ATP11C: variants seen among roughly 807,000 people sequenced by gnomAD.
ATP11C encodes the protein ATPase phospholipid transporting 11C (ATP11C blood group), also known as phospholipid-transporting ATPase IG.
Under a neutral mutation model 97.4 loss-of-function variants are expected in ATP11C, and 36 were observed. The ratio of observed to expected loss-of-function variants is 0.37; its 90% CI spans 0.28 to 0.49. The LOEUF is 0.49. Among genes scored for constraint, ATP11C ranks in the 20% least tolerant of loss-of-function variants. ATP11C has a pLI of 0.98. For synonymous variants in ATP11C, 275 were observed against 290.9 expected (o/e 0.95, Z 0.56); for missense variants, 730 against 824.6 (o/e 0.89, Z 1.40).
At chrX:139,790,285 G>A (rs2082663248) in intron 12 of ATP11C, among the ~76,000 whole-genome samples, 1 of 111,084 alleles carries the variant, frequency 9.0e-6, no homozygotes, top group African/African-American at 3.3e-5. Flanking sequence ...TCACTATGTT[G>A]CCCAGGCTGG....
At chrX:139,871,847 C>T (rs1336534894) in intron 1 of ATP11C, among the ~76,000 whole-genome samples, 1 of 111,305 alleles carries the variant, frequency 9.0e-6, no homozygotes, top group African/African-American at 3.3e-5. Context: ...AAATTTTTAA[C>T]CACATATAAT....
At position 139,728,904 on chromosome X, in the gene ATP11C, C is replaced by T; in HGVS notation, c.*62G>A. 1 of 1,200,465 alleles carries T rather than the reference C, an allele frequency of 8.3e-7. No individual in the cohort carries two copies. The highest frequency in any genetic ancestry group is 1.1e-6 in the Non-Finnish European group (1 of 887,914). On this transcript the variant is annotated 3_prime_UTR_variant, in exon 30 of 30. Transcript: ENST00000682941. ...TGTTTCTTCATGCTTTCTTTTTTAG[C>T]TGTAACCACTGTCAGTATGCTTGTA... is the stretch of plus-strand genomic sequence containing the variant.
At chrX:139,894,379 C>A (rs1298710525) in intron 1 of ATP11C, among the ~76,000 whole-genome samples, 1 of 111,662 alleles carries the variant, frequency 9.0e-6, no homozygotes, top group Non-Finnish European at 1.9e-5. Flanking sequence ...CTTACGAATA[C>A]GAAATAAGTG....
intron 1 of ATP11C, among the ~76,000 whole-genome samples, chrX:139,834,072 G>C (rs965696290): frequency 8.9e-6 from 1 of 112,208 alleles, no homozygotes. Context: ...TTTATTTAAA[G>C]CAAGAAAGTT....
chrX:139,930,421 AGCCCAGTTGTTTTC>A (rs1251330580), intron 1 of ATP11C, among the ~76,000 whole-genome samples: 1 of 110,760 alleles, frequency 9.0e-6, no homozygotes, highest in Admixed American at 9.7e-5. Flanking sequence ...TATGATTCAG[AGCCCAGTTGTTTTC>A]CACCATAAGA....
intron 1 of ATP11C, among the ~76,000 whole-genome samples, chrX:139,844,453 TAAG>T (rs199574721): frequency 0.042 from 4,653 of 111,797 alleles, 104 homozygotes; most frequent in Non-Finnish European, 0.058. Context: ...TGGTGCCGAG[TAAG>T]AAGAAAGCAC....
intron 1 of ATP11C, among the ~76,000 whole-genome samples, chrX:139,928,360 T>C (rs375556980): frequency 1.8e-5 from 2 of 109,400 alleles, no homozygotes; most frequent in East Asian, 5.7e-4. Context: ...CACAGTAAAA[T>C]AAAATCAATA....
At chrX:139,787,326 C>G in intron 14 of ATP11C, 82 bp from the exon 15 acceptor site, 1 of 834,092 alleles carries the variant, frequency 1.2e-6, no homozygotes, top group Non-Finnish European at 1.6e-6. Context: ...GAGACAGAGT[C>G]TCGCTCTGTT....
At chrX:139,918,986 A>T (rs1375757737) in intron 1 of ATP11C, among the ~76,000 whole-genome samples, 1 of 112,040 alleles carries the variant, frequency 8.9e-6, no homozygotes, top group Non-Finnish European at 1.9e-5. Flanking sequence ...CACACCTGTA[A>T]TTCCAGCACT....
intron 28 of ATP11C, among the ~76,000 whole-genome samples, chrX:139,735,210 G>A (rs2081418113): frequency 9.0e-6 from 1 of 111,553 alleles, no homozygotes; most frequent in Non-Finnish European, 1.9e-5. Flanking sequence ...TCAGCATAAG[G>A]TTGCTCTTAT....
intron 1 of ATP11C, among the ~76,000 whole-genome samples, chrX:139,859,451 CATAA>C (rs757764201): frequency 1.8e-5 from 2 of 111,802 alleles, no homozygotes; most frequent in East Asian, 5.6e-4. Flanking sequence ...CTCTATACCC[CATAA>C]ATACATTATG....
intron 7 of ATP11C, among the ~76,000 whole-genome samples, chrX:139,801,380 G>T (rs779080566): frequency 8.9e-6 from 1 of 111,922 alleles, no homozygotes; most frequent in African/African-American, 3.2e-5. Flanking sequence ...ATACGGAAGA[G>T]GAAGGGAAAG....
chrX:139,865,654 C>A (rs2084269654), intron 1 of ATP11C, among the ~76,000 whole-genome samples: 1 of 110,391 alleles, frequency 9.1e-6, no homozygotes, highest in African/African-American at 3.3e-5. Flanking sequence ...CCCAGCTACT[C>A]GGAGACTAAG....
chrX:139,774,943 G>A lies in ATP11C; in HGVS notation c.1963C>T (p.Gln655Ter). 1 of 1,200,699 alleles carries A rather than the reference G, an allele frequency of 8.3e-7. No individual in the cohort carries two copies. The highest frequency in any genetic ancestry group is 1.1e-6 in the Non-Finnish European group (1 of 889,940). The stretch of plus-strand genomic sequence containing the variant: ...AGAGCTTCAATGGTCTCTGCAGCTT[G>A]ATCTTGTAGCCTGGGAACACAAAAG... ...ATAVEDKLQD[Q>*]AAETIEALHA... The change falls in exon 19 of 30, where the codon CAA (glutamine) becomes TAA (stop). Residue 655 changes from glutamine (Q) to a stop codon, truncating the protein, a stop_gained. Transcript: ENST00000682941. LOFTEE classifies it high-confidence loss of function.
At chrX:139,777,680 T>C (rs1376709683) in intron 18 of ATP11C, among the ~76,000 whole-genome samples, 1 of 110,232 alleles carries the variant, frequency 9.1e-6, no homozygotes, top group Non-Finnish European at 1.9e-5. Flanking sequence ...ACAACTGTGA[T>C]ATGCTACACA....
chrX:139,869,234 G>A (rs1435150130), intron 1 of ATP11C, among the ~76,000 whole-genome samples: 1 of 112,227 alleles, frequency 8.9e-6, no homozygotes, highest in Non-Finnish European at 1.9e-5. Context: ...TCCATTGACA[G>A]ATGAATGGAT....
intron 1 of ATP11C, among the ~76,000 whole-genome samples, chrX:139,862,056 T>C (rs1254039050): frequency 9.0e-6 from 1 of 111,535 alleles, no homozygotes; most frequent in Non-Finnish European, 1.9e-5. Flanking sequence ...TGGGTTTAGA[T>C]CATGAGCTTT....
intron 1 of ATP11C, among the ~76,000 whole-genome samples, chrX:139,861,941 ACT>A (rs2084205877): frequency 9.1e-6 from 1 of 110,384 alleles, no homozygotes; most frequent in African/African-American, 3.3e-5. Context: ...CCAAGGGAAG[ACT>A]CTTATCAACA....
At position 139,789,318 on chromosome X, in the gene ATP11C, C is replaced by G. The variant is rs2082641986; in HGVS notation, c.1368+9G>C. On this transcript the variant is annotated intron_variant, in intron 13 of 29. Coordinates refer to ENST00000682941, the MANE Select transcript of ATP11C (RefSeq NM_001353812.2). The stretch of plus-strand genomic sequence containing the variant: ...TGGTTTCTTATATAAAACAATAATG[C>G]AAATGCACCTTATCTACTTTGTCAA... 3 of 1,184,522 alleles carry G rather than the reference C, an allele frequency of 2.5e-6. No homozygotes were observed. The highest frequency in any genetic ancestry group is 3.4e-6 in the Non-Finnish European group (3 of 878,072).
Sources: gnomAD v4.1 joint callset for allele counts (sites outside exome capture counted in the v4.1 genomes callset) on GRCh38, gnomAD v4.1.1 for gene constraint, MANE v1.5 for transcripts, NCBI Gene and HGNC (gene_info 2026-07-23, HGNC 2026-07-21) for gene names.